UTRN: variants seen among roughly 807,000 people sequenced by gnomAD.
UTRN encodes the protein dystrophin-related protein 1.
UTRN carries 283 observed loss-of-function variants against 463.9 expected under a neutral mutation model. The observed-to-expected ratio is 0.61, with a 90% confidence interval of 0.55 to 0.67. The LOEUF is 0.67. Among genes scored for constraint, UTRN ranks in the 30% least tolerant of loss-of-function variants. The pLI, the probability that UTRN is intolerant of heterozygous loss-of-function variation, is 0.00. For missense variants in UTRN, 3,922 were observed against 4,084.3 expected, an observed-to-expected ratio of 0.96 and a Z score of 1.08; for synonymous variants, 1,442 against 1,431.5, an observed-to-expected ratio of 1.01 and a Z score of -0.17.
At chr6:144,337,992 C>T (rs1404956742) in intron 2 of UTRN, among the ~76,000 whole-genome samples, 1 of 152,156 alleles carries the variant, frequency 6.6e-6, no homozygotes, top group African/African-American at 2.4e-5. Context: ...ATTATAATGT[C>T]ATTCAATCCC....
intron 12 of UTRN, 87 bp from the exon 13 acceptor site, chr6:144,440,265 T>A: frequency 7.2e-7 from 1 of 1,397,054 alleles, no homozygotes; most frequent in Non-Finnish European, 1.0e-6. Context: ...TCATTAACTG[T>A]CCTTAATTAC....
intron 58 of UTRN, 186 bp downstream of exon 58, chr6:144,758,175 A>T (rs758832016): frequency 6.0e-5 from 30 of 500,842 alleles, no homozygotes; most frequent in Middle Eastern, 5.3e-4. Context: ...CATGTATCAG[A>T]TTAGGGATAT....
At chr6:144,306,640 A>T (rs1484444503) in intron 2 of UTRN, among the ~76,000 whole-genome samples, 1 of 151,972 alleles carries the variant, frequency 6.6e-6, no homozygotes, top group Non-Finnish European at 1.5e-5. Context: ...AAAATATGTA[A>T]TATATATATT....
chr6:144,440,373 G>C lies in UTRN; in HGVS notation c.1414G>C (p.Ala472Pro), dbSNP rs1333663835. The part of the protein sequence containing the change: ...EHKSLQSDLE[A>P]EQVKVNSLTH... ...CTAGAGTTTGCAAAGTGATCTTGAGGCTGAACAGGTGAAAGTAAATTCACT... is the reference window on the plus strand; with the variant it reads ...CTAGAGTTTGCAAAGTGATCTTGAGCCTGAACAGGTGAAAGTAAATTCACT... The change falls in exon 13 of 75, where the codon GCT (alanine) becomes CCT (proline). Residue 472 changes from alanine (A) to proline (P), a missense_variant. Transcript: ENST00000367545. 6.2e-7 allele frequency: 1 copy of C among 1,613,984 alleles called. No individual in the cohort carries two copies.
chr6:144,788,474 G>A (rs907871389), intron 61 of UTRN, among the ~76,000 whole-genome samples: 5 of 151,494 alleles, frequency 3.3e-5, no homozygotes, highest in African/African-American at 1.2e-4. Context: ...TTTTCTTCCT[G>A]TATGAAGTCA....
chr6:144,611,794 A>C (rs1321393299), intron 51 of UTRN, among the ~76,000 whole-genome samples: 1 of 152,334 alleles, frequency 6.6e-6, no homozygotes, highest in African/African-American at 2.4e-5. Context: ...TGTAATTTAC[A>C]TATTTAACAC....
In UTRN at chr6:144,485,387, G is replaced by T. The variant is rs763129852; in HGVS notation, c.3690G>T (p.Glu1230Asp). ...RIRGKCHTLE[E>D]VWSCWIELLH... ...ATTTAAAATTTTTCATGCTTTAGGA[G>T]GTCTGGTCTTGTTGGATTGAACTGC... is the stretch of plus-strand genomic sequence containing the variant. The change falls in exon 28 of 75, where the codon GAG becomes GAT. Residue 1230 changes from glutamate (E) to aspartate (D), a missense_variant and splice_region_variant. Glu to Asp is a conservative substitution (Grantham distance 45). This residue lies in a region of UTRN where 2,349 missense variants were observed against 2,303.8 expected (regional missense o/e 1.02). Transcript: ENST00000367545. 6.2e-7 allele frequency: 1 copy of T among 1,614,134 alleles called. No homozygotes were observed. The highest frequency in any genetic ancestry group is 1.1e-5 in the South Asian group (1 of 91,066).
In UTRN at chr6:144,744,316, A is replaced by G. The variant is rs962117211; in HGVS notation, c.7940-3930A>G. On this transcript the variant is annotated intron_variant, in intron 54 of 74. Coordinates refer to ENST00000367545, the MANE Select transcript of UTRN (RefSeq NM_007124.3). ...AAAAATGGTGTATACATATATATAT[A>G]TATATGTGTGTGTGTGTGTGTGTGT... Among the ~76,000 whole-genome samples, 180 of 121,588 alleles carry G rather than the reference A, an allele frequency of 1.5e-3. 2 individuals are homozygous for G. The East Asian group carries it at 0.037, about 25-fold the overall frequency. The allele number at this position is 121,588 out of a possible 152,430, so 79.8% of individuals were successfully genotyped here. A position where few individuals can be genotyped will look rare whatever the true frequency, so the allele number is the denominator to read the frequency against.
At chr6:144,447,517 G>T in intron 15 of UTRN, 85 bp from the exon 16 acceptor site, 6 of 1,479,858 alleles carry the variant, frequency 4.1e-6, no homozygotes, top group Non-Finnish European at 5.6e-6. Flanking sequence ...TACTATAAAA[G>T]ATACATGTTT....
chr6:144,820,327 T>TG (rs1287854662), intron 65 of UTRN, among the ~76,000 whole-genome samples: 2 of 152,158 alleles, frequency 1.3e-5, no homozygotes, highest in African/African-American at 4.8e-5. Flanking sequence ...ACAAAGAAAT[T>TG]GACAGTATTC....
intron 34 of UTRN, among the ~76,000 whole-genome samples, chr6:144,501,033 G>A (rs1440472282): frequency 6.6e-6 from 1 of 152,184 alleles, no homozygotes; most frequent in Non-Finnish European, 1.5e-5. Flanking sequence ...GAGAGGTTGT[G>A]GGGTGACACA....
At chr6:144,385,826 A>C (rs1262016421) in intron 2 of UTRN, among the ~76,000 whole-genome samples, 1 of 151,616 alleles carries the variant, frequency 6.6e-6, no homozygotes, top group East Asian at 1.9e-4. Flanking sequence ...CTCCTGCCTC[A>C]ACCTCCTGAG....
chr6:144,755,846 T>G (rs1287609184), intron 57 of UTRN, among the ~76,000 whole-genome samples: 1 of 152,132 alleles, frequency 6.6e-6, no homozygotes, highest in African/African-American at 2.4e-5. Context: ...CTCTTAATGT[T>G]TTTGTCACTC....
At chr6:144,366,726 T>A (rs1331737455) in intron 2 of UTRN, among the ~76,000 whole-genome samples, 2 of 152,160 alleles carry the variant, frequency 1.3e-5, no homozygotes, top group Non-Finnish European at 2.9e-5. Context: ...GCATGTGTCA[T>A]CATGATGGAA....
At chr6:144,525,951 T>G (rs905634622) in intron 41 of UTRN, among the ~76,000 whole-genome samples, 3 of 152,204 alleles carry the variant, frequency 2.0e-5, no homozygotes, top group African/African-American at 7.2e-5. Flanking sequence ...CAATGATCAT[T>G]CAGGAGCAGG....
At chr6:144,760,703 C>G (rs1348641650) in intron 58 of UTRN, among the ~76,000 whole-genome samples, 1 of 152,180 alleles carries the variant, frequency 6.6e-6, no homozygotes, top group Non-Finnish European at 1.5e-5. Context: ...TTAATATACA[C>G]TTCCCTTTGC....
chr6:144,546,101 T>G (rs996962646), intron 46 of UTRN, among the ~76,000 whole-genome samples: 31 of 152,202 alleles, frequency 2.0e-4, no homozygotes, highest in Admixed American at 1.9e-3. Context: ...ATTTTTTTTA[T>G]CTACAAAAAA....
chr6:144,331,016 CAGGT>C, intron 2 of UTRN: 1 of 985,320 alleles, frequency 1.0e-6, no homozygotes, highest in South Asian at 4.7e-5. Flanking sequence ...CAGTCACAGG[CAGGT>C]AAAGACTCAT....
At chr6:144,438,357 A>G (rs2114895197) in intron 11 of UTRN, among the ~76,000 whole-genome samples, 1 of 152,302 alleles carries the variant, frequency 6.6e-6, no homozygotes, top group Admixed American at 6.5e-5. Flanking sequence ...AGGACTATGG[A>G]GTATTGATCT....
Sources: gnomAD v4.1 joint callset for allele counts (sites outside exome capture counted in the v4.1 genomes callset) on GRCh38, gnomAD v4.1.1 for gene constraint, gnomAD v4.1.1 regional missense constraint, MANE v1.5 for transcripts, NCBI Gene and HGNC (gene_info 2026-07-23, HGNC 2026-07-21) for gene names.